The following COL8A1 variants were observed in gnomAD, a reference collection of about 807,000 sequenced individuals.
The protein encoded by COL8A1 is collagen type VIII alpha 1 chain, also known as collagen alpha-1(VIII) chain.
Under a neutral mutation model 42.7 loss-of-function variants are expected in COL8A1, and 21 were observed. That is an observed-to-expected ratio of 0.49 (90% confidence interval 0.35 to 0.71). COL8A1 has a LOEUF of 0.71. Among genes scored for constraint, COL8A1 ranks in the 30% least tolerant of loss-of-function variants. The pLI is 0.01. For missense variants in COL8A1, 788 were observed against 962.4 expected (o/e 0.82, Z 2.40); for synonymous variants, 367 against 369.1 (o/e 0.99, Z 0.06).
At chr3:99,777,649 G>A (rs1489023841) in intron 2 of COL8A1, among the ~76,000 whole-genome samples, 9 of 152,196 alleles carry the variant, frequency 5.9e-5, no homozygotes, top group Non-Finnish European at 1.3e-4. Flanking sequence ...TGGTAAGTTT[G>A]TCTTCTGACA....
intron 1 of COL8A1, among the ~76,000 whole-genome samples, chr3:99,694,398 C>G (rs777961044): frequency 6.6e-6 from 1 of 152,006 alleles, no homozygotes; most frequent in Non-Finnish European, 1.5e-5. Flanking sequence ...ATCACTTGAA[C>G]CTGGGAGGCG....
In COL8A1 at chr3:99,640,995, G is replaced by T. The variant is rs531649982; in HGVS notation, c.-129+2331G>T. ...GCTGCCGCTTTCACTAGAGACACAA[G>T]AAGGGAGCTCTACTGATTTTGAGGG... On this transcript the variant is annotated intron_variant, in intron 1 of 3. Transcript: ENST00000652472. Among the ~76,000 whole-genome samples the T allele has an allele frequency of 2.6e-5, 4 of 152,298 alleles. No individual in the cohort carries two copies. In the East Asian group the frequency reaches 5.8e-4, roughly 22 times the overall value.
Position 99,794,829 on chromosome 3 carries a change from C to G in COL8A1, c.928C>G (p.Pro310Ala). 1 of 1,612,274 alleles carries G rather than the reference C, an allele frequency of 6.2e-7. No individual in the cohort carries two copies. The highest frequency in any genetic ancestry group is 8.5e-7 in the Non-Finnish European group (1 of 1,179,136). ...TGGGGTACCGGGGGTTCAAGGACCT[C>G]CTGGGATACCCGGAATTGGAAAGCC... ...PIGVPGVQGP[P>A]GIPGIGKPGQ... is the part of the protein sequence containing the mutation. The change falls in exon 4 of 4, where the codon CCT (proline) becomes GCT (alanine). Residue 310 changes from proline (P) to alanine (A), a missense_variant. Physicochemically the swap from Pro to Ala is conservative, Grantham distance 27 (BLOSUM62 -1). Coordinates refer to ENST00000652472, the MANE Select transcript of COL8A1 (RefSeq NM_020351.4). This position sits in a 1 kb window ranked among gnomAD's most constrained non-coding sequence, Gnocchi z 4.3.
intron 1 of COL8A1, among the ~76,000 whole-genome samples, chr3:99,737,483 T>TGAA (rs1940762534): frequency 6.6e-6 from 1 of 152,156 alleles, no homozygotes. Context: ...CCTTCACTTA[T>TGAA]GAAGCTTAGT....
chr3:99,641,445 T>A (rs1161396792), intron 1 of COL8A1, among the ~76,000 whole-genome samples: 1 of 152,166 alleles, frequency 6.6e-6, no homozygotes, highest in African/African-American at 2.4e-5. Flanking sequence ...TGATTTCAGG[T>A]TTGCCCCATA....
chr3:99,730,585 C>T (rs940016081), intron 1 of COL8A1, among the ~76,000 whole-genome samples: 2 of 152,008 alleles, frequency 1.3e-5, no homozygotes, highest in African/African-American at 4.8e-5. Flanking sequence ...TTAAACTAGC[C>T]TCCAAAAATG....
At chr3:99,694,192 A>T (rs924160232) in intron 1 of COL8A1, among the ~76,000 whole-genome samples, 10 of 152,190 alleles carry the variant, frequency 6.6e-5, no homozygotes, top group African/African-American at 2.4e-4. Context: ...CTTAGAACAA[A>T]GAAAAAGTGG....
chr3:99,748,914 T>C (rs1941086413), intron 2 of COL8A1, among the ~76,000 whole-genome samples: 1 of 152,232 alleles, frequency 6.6e-6, no homozygotes, highest in Admixed American at 6.5e-5. Context: ...TAAATTAGTA[T>C]GGCTCTATAG....
rs2107461852 is a variant in COL8A1, at chr3:99,796,899, C to T, written c.*763C>T. On this transcript the variant is annotated 3_prime_UTR_variant, in exon 4 of 4. Transcript: ENST00000652472. ...AGGAGCTAGAGAACCGGATGGGAGA[C>T]ATGAGCAGTAATTAACTCACTTGTT... 1 of 152,270 alleles carries T rather than the reference C, an allele frequency of 6.6e-6. No homozygotes were observed. Among genetic ancestry groups the T allele is most frequent in the Admixed American group, 6.5e-5 (1 of 15,296 alleles). The allele number at this position is 152,270 out of a possible 1,614,324, so 9.4% of individuals were successfully genotyped here.
At chr3:99,783,735 C>T (rs768130322) in intron 2 of COL8A1, among the ~76,000 whole-genome samples, 2 of 152,198 alleles carry the variant, frequency 1.3e-5, no homozygotes, top group Non-Finnish European at 2.9e-5. Context: ...AGAGCACGTG[C>T]GCGCAAGGTG....
At chr3:99,776,204 G>C (rs527454805) in intron 2 of COL8A1, among the ~76,000 whole-genome samples, 1 of 152,290 alleles carries the variant, frequency 6.6e-6, no homozygotes, top group Admixed American at 6.5e-5. Context: ...TGATGAGATT[G>C]TAAGCACCAG....
intron 2 of COL8A1, among the ~76,000 whole-genome samples, chr3:99,779,193 T>C (rs1166139594): frequency 2.0e-5 from 3 of 152,300 alleles, no homozygotes; most frequent in African/African-American, 7.2e-5. Flanking sequence ...TAAGTCTGTG[T>C]TTTTTCATAC....
intron 1 of COL8A1, among the ~76,000 whole-genome samples, chr3:99,652,211 G>A (rs1032674729): frequency 6.6e-6 from 1 of 152,180 alleles, no homozygotes; most frequent in Non-Finnish European, 1.5e-5. Context: ...GAGATGTTTA[G>A]CTTCTCATAT....
intron 1 of COL8A1, among the ~76,000 whole-genome samples, chr3:99,700,902 G>A (rs1009230231): frequency 6.6e-6 from 1 of 152,150 alleles, no homozygotes; most frequent in African/African-American, 2.4e-5. Context: ...GTCTCTACAC[G>A]TGGGCTGCCT....
At chr3:99,702,372 A>G (rs889302419) in intron 1 of COL8A1, among the ~76,000 whole-genome samples, 10 of 152,258 alleles carry the variant, frequency 6.6e-5, no homozygotes, top group African/African-American at 2.2e-4. Context: ...TGCTTAAGCC[A>G]GGTCTTAACC....
chr3:99,661,450 A>C (rs1290822182), intron 1 of COL8A1, among the ~76,000 whole-genome samples: 1 of 152,246 alleles, frequency 6.6e-6, no homozygotes, highest in East Asian at 1.9e-4. Context: ...TCAAAACAAA[A>C]AACAAAAACC....
intron 1 of COL8A1, among the ~76,000 whole-genome samples, chr3:99,737,705 C>T (rs9798956): frequency 0.22 from 32,997 of 151,580 alleles, 4,214 homozygotes; most frequent in African/African-American, 0.34. Context: ...TTATGTGTCT[C>T]GGAGTTGCTC....
intron 1 of COL8A1, chr3:99,679,302 T>C (rs1244629652): frequency 6.6e-6 from 1 of 152,242 alleles, no homozygotes; most frequent in African/African-American, 2.4e-5. Flanking sequence ...ACATGAGAAG[T>C]GACGTTTGTA....
At chr3:99,679,021 T>A (rs1228606494) in intron 1 of COL8A1, 1 of 151,212 alleles carries the variant, frequency 6.6e-6, no homozygotes, top group Non-Finnish European at 1.5e-5. Context: ...CATAGCTATC[T>A]GTTATGGATA....
Sources: allele counts gnomAD v4.1 joint callset (sites outside exome capture counted in the v4.1 genomes callset), GRCh38; gene constraint gnomAD v4.1.1; non-coding constraint Gnocchi (gnomAD v3.1); transcripts MANE v1.5; gene names NCBI Gene and HGNC (gene_info 2026-07-23, HGNC 2026-07-21).